The following PHC2 variants were observed in gnomAD, a reference collection of about 807,000 sequenced individuals.
The protein encoded by PHC2 is polyhomeotic homolog 2, also known as polyhomeotic-like protein 2.
A neutral mutation model predicts 87.4 loss-of-function variants in PHC2; 29 were observed. That is an observed-to-expected ratio of 0.33 (90% CI 0.25 to 0.45). The LOEUF is 0.45. PHC2 is among the 20% of genes least tolerant of loss of function. The probability of loss-of-function intolerance (pLI) is 1.00; values close to 1 mark genes in which losing one functional copy is unlikely to be tolerated. For synonymous variants in PHC2, 438 were observed against 461.7 expected (o/e 0.95, Z 0.66); for missense variants, 857 against 1,136.7 (o/e 0.75, Z 3.54).
At chr1:33,388,008 A>G (rs1648849798) in intron 1 of PHC2, among the ~76,000 whole-genome samples, 1 of 152,240 alleles carries the variant, frequency 6.6e-6, no homozygotes, top group African/African-American at 2.4e-5. Context: ...TATTATCTAC[A>G]CATAAGGTTG....
In PHC2 at chr1:33,346,417, A is replaced by G. The variant is rs1646845688; in HGVS notation, c.1558+7984T>C. 6 of 985,418 alleles carry G rather than the reference A, an allele frequency of 6.1e-6. No homozygotes were observed. The South Asian group carries it at 2.3e-4, about 39-fold the overall frequency. 61.0% of individuals were successfully genotyped at this position (985,418 alleles called of 1,614,324 possible). On this transcript the variant is annotated intron_variant, in intron 9 of 14. Coordinates refer to ENST00000683057, the MANE Select transcript of PHC2 (RefSeq NM_001385109.1). The stretch of plus-strand genomic sequence containing the variant: ...AAAGGGAATAAAAGAGAAACTATCA[A>G]TTATGAAGACTCCTCATTCTCATTT...
chr1:33,430,820 G>A (rs1159218604), intron 1 of PHC2, among the ~76,000 whole-genome samples, 156 bp downstream of exon 1: 2 of 150,168 alleles, frequency 1.3e-5, no homozygotes, highest in Non-Finnish European at 3.0e-5. Context: ...CCATGGCAAT[G>A]CCCCGCCCCG....
chr1:33,356,233 TTTGAGGTGAAAATTCTTATA>T (rs1211663824), intron 7 of PHC2, among the ~76,000 whole-genome samples: 3 of 115,950 alleles, frequency 2.6e-5, no homozygotes, highest in Non-Finnish European at 6.1e-5. Context: ...AGGCTGACTC[TTTGAGGTGAAAATTCTTATA>T]TATATATATA....
chr1:33,430,718 T>C (rs1177398886), intron 1 of PHC2, among the ~76,000 whole-genome samples: 1 of 150,430 alleles, frequency 6.6e-6, no homozygotes, highest in African/African-American at 2.4e-5. Flanking sequence ...GGCGCCGCGC[T>C]CTGCCGGTCG....
At chr1:33,386,079 G>T (rs1183174420) in intron 1 of PHC2, among the ~76,000 whole-genome samples, 8 of 151,968 alleles carry the variant, frequency 5.3e-5, no homozygotes, top group Non-Finnish European at 1.2e-4. Context: ...TTACAGGCGT[G>T]AGCCACTGTG....
chr1:33,420,053 C>T (rs1268924005), intron 1 of PHC2, among the ~76,000 whole-genome samples: 1 of 151,990 alleles, frequency 6.6e-6, no homozygotes, highest in Non-Finnish European at 1.5e-5. Context: ...GGATAAGGAG[C>T]TAATATATTT....
At chr1:33,410,357 T>C (rs1649933021) in intron 1 of PHC2, among the ~76,000 whole-genome samples, 1 of 152,168 alleles carries the variant, frequency 6.6e-6, no homozygotes, top group Non-Finnish European at 1.5e-5. Context: ...CCTCACTCCA[T>C]GGGAACGTAA....
Position 33,349,949 on chromosome 1 carries a change from GGGAGC to G in PHC2, c.1558+4447_1558+4451del. The G allele has an allele frequency of 1.6e-6, 1 of 639,984 alleles. No homozygotes were observed. Among genetic ancestry groups the G allele is most frequent in the Non-Finnish European group, 1.9e-6 (1 of 515,942 alleles). 39.6% of individuals were successfully genotyped at this position (639,984 alleles called of 1,614,324 possible). ...GCCGCCTCCGCCGGGGGCGGGGCGAGGGAGCGGGGCGGGGAGGGGCGGGGCCGCGG... is the reference window on the plus strand; with the variant it reads ...GCCGCCTCCGCCGGGGGCGGGGCGAGGGGGCGGGGAGGGGCGGGGCCGCGG... On this transcript the variant is annotated intron_variant, in intron 9 of 14. Transcript: ENST00000683057. This position sits in a 1 kb window ranked among gnomAD's most constrained non-coding sequence, Gnocchi z 4.2.
intron 1 of PHC2, among the ~76,000 whole-genome samples, chr1:33,377,248 G>T (rs1338263704): frequency 1.3e-5 from 2 of 152,242 alleles, no homozygotes; most frequent in Admixed American, 6.5e-5. Flanking sequence ...GCTCAGCAGA[G>T]TGCCAAGCAT....
intron 1 of PHC2, among the ~76,000 whole-genome samples, chr1:33,430,247 T>G (rs942459665): frequency 1.3e-5 from 2 of 152,190 alleles, no homozygotes; most frequent in Admixed American, 6.5e-5. Flanking sequence ...CCTTTTCCCA[T>G]GGGTGTCAGG....
At position 33,324,980 on chromosome 1, in the gene PHC2, A is replaced by G. The variant is rs755677497; in HGVS notation, c.2465T>C (p.Ile822Thr). The G allele has an allele frequency of 6.2e-7, 1 of 1,613,476 alleles. No homozygotes were observed. The highest frequency in any genetic ancestry group is 8.5e-7 in the Non-Finnish European group (1 of 1,179,632). The change falls in exon 15 of 15, where the codon ATC (isoleucine) becomes ACC (threonine). Residue 822 changes from isoleucine to threonine, a missense_variant. By Grantham distance (89) the Ile-to-Thr change is moderately conservative. Coordinates refer to ENST00000683057, the MANE Select transcript of PHC2 (RefSeq NM_001385109.1). ...GAGCAGCAGCAGGGCTTGCCCGTCG[A>G]TTTCCTGGGCACGGAATTCCTCTGC... The part of the protein sequence containing the change: ...EIAEEFRAQE[I>T]DGQALLLLKE...
At chr1:33,330,399 C>T (rs1260828044) in intron 12 of PHC2, among the ~76,000 whole-genome samples, 187 bp from the exon 13 acceptor site, 1 of 152,226 alleles carries the variant, frequency 6.6e-6, no homozygotes, top group Non-Finnish European at 1.5e-5. Context: ...CCTCCGTTTC[C>T]TTATCTGGAG....
intron 7 of PHC2, among the ~76,000 whole-genome samples, chr1:33,365,707 C>A (rs1248756876): frequency 6.6e-6 from 1 of 152,228 alleles, no homozygotes; most frequent in Non-Finnish European, 1.5e-5. Context: ...TGGGGAGGTG[C>A]CTTTCTTGGC....
chr1:33,371,464 A>ACCACCATCACACCCG (rs1647835788), intron 3 of PHC2, among the ~76,000 whole-genome samples: 2 of 151,238 alleles, frequency 1.3e-5, no homozygotes, highest in Admixed American at 6.6e-5. Context: ...CATCACACCC[A>ACCACCATCACACCCG]GCCACCACCA....
intron 14 of PHC2, among the ~76,000 whole-genome samples, chr1:33,327,951 AAAATTTTGGGGATGAAGAGAT>A (rs1646406279): frequency 1.3e-5 from 2 of 152,220 alleles, no homozygotes; most frequent in Non-Finnish European, 2.9e-5. Context: ...CTGTGTAATA[AAAATTTTGGGGATGAAGAGAT>A]AACATACTAG....
Position 33,323,714 on chromosome 1 carries a change from T to C in PHC2, c.*1151A>G, listed in dbSNP as rs1295732958. Reference sequence around the variant, plus strand: ...CCTGCCTGGGGGTGTGGGTGGGGAATAGAATAAGCTCAGAAAGGTGCCTAC... The same window carrying C: ...CCTGCCTGGGGGTGTGGGTGGGGAACAGAATAAGCTCAGAAAGGTGCCTAC... On this transcript the variant is annotated 3_prime_UTR_variant, in exon 15 of 15. Coordinates refer to ENST00000683057, the MANE Select transcript of PHC2 (RefSeq NM_001385109.1). 6.6e-6 allele frequency: 1 copy of C among 152,598 alleles called. No individual in the cohort carries two copies. The highest frequency in any genetic ancestry group is 2.4e-5 in the African/African-American group (1 of 41,448). The allele number at this position is 152,598 out of a possible 1,614,324, so 9.5% of individuals were successfully genotyped here.
At chr1:33,366,644 G>A (rs1039250859) in intron 7 of PHC2, among the ~76,000 whole-genome samples, 1 of 152,184 alleles carries the variant, frequency 6.6e-6, no homozygotes, top group South Asian at 2.1e-4. Context: ...TGCACACCTA[G>A]AATTGGCAAC....
chr1:33,388,712 G>A (rs1045650802), intron 1 of PHC2, among the ~76,000 whole-genome samples: 5 of 152,192 alleles, frequency 3.3e-5, no homozygotes, highest in African/African-American at 1.2e-4. Flanking sequence ...AGCACCATGT[G>A]CAGCACAGAA....
In PHC2 at chr1:33,349,867, G is replaced by C; in HGVS notation, c.1558+4534C>G. The stretch of plus-strand genomic sequence containing the variant: ...GGTTGCGCGCGCGCGCGCGGCGGGC[G>C]CTCGAGGGCTGCAGCCGCCGCGGAG... On this transcript the variant is annotated intron_variant, in intron 9 of 14. Transcript: ENST00000683057. The surrounding 1 kb of genome is among the most constrained non-coding windows in gnomAD (Gnocchi z 4.2). 1.0e-6 allele frequency: 1 copy of C among 977,938 alleles called. No homozygotes were observed. Among genetic ancestry groups the C allele is most frequent in the Non-Finnish European group, 1.2e-6 (1 of 826,238 alleles). The allele number at this position is 977,938 out of a possible 1,614,324, so 60.6% of individuals were successfully genotyped here. A position where few individuals can be genotyped will look rare whatever the true frequency, so the allele number is the denominator to read the frequency against.
Sources: gnomAD v4.1 joint callset for allele counts (sites outside exome capture counted in the v4.1 genomes callset) on GRCh38, gnomAD v4.1.1 for gene constraint, Gnocchi (gnomAD v3.1) non-coding constraint, MANE v1.5 for transcripts, NCBI Gene and HGNC (gene_info 2026-07-23, HGNC 2026-07-21) for gene names.